Variants in SSBP3 observed in about 807,000 individuals in gnomAD.
The protein encoded by SSBP3 is single-stranded DNA-binding protein 3.
SSBP3 carries 5 observed loss-of-function variants against 69.6 expected under a neutral mutation model. That is an observed-to-expected ratio of 0.07 (90% confidence interval 0.04 to 0.15). The LOEUF (loss-of-function observed/expected upper bound fraction) is 0.15. Among genes scored for constraint, SSBP3 ranks in the 10% least tolerant of loss-of-function variants. The pLI is 1.00. For missense variants in SSBP3, 312 were observed against 534.0 expected, an observed-to-expected ratio of 0.58 and a Z score of 4.10; for synonymous variants, 196 against 193.4, an observed-to-expected ratio of 1.01 and a Z score of -0.11.
intron 3 of SSBP3, among the ~76,000 whole-genome samples, chr1:54,403,857 A>G (rs1649483445): frequency 1.3e-5 from 2 of 152,174 alleles, no homozygotes; most frequent in Admixed American, 1.3e-4. Context: ...TGGCTGTCAT[A>G]TACCCAACAC....
intron 4 of SSBP3, among the ~76,000 whole-genome samples, chr1:54,399,098 T>C (rs1420443882): frequency 6.6e-6 from 1 of 152,256 alleles, no homozygotes; most frequent in African/African-American, 2.4e-5. Flanking sequence ...TACTCATTCT[T>C]ACCTAACTCC....
Position 54,357,926 on chromosome 1 carries a change from G to A in SSBP3, c.276+43935C>T, listed in dbSNP as rs563134088. The stretch of plus-strand genomic sequence containing the variant: ...TGGACTCTCCAAAGTAAAGGAAGAT[G>A]GACAAACAGCACTTCCACACCTACA... On this transcript the variant is annotated intron_variant, in intron 4 of 17. Coordinates refer to ENST00000610401, the Ensembl canonical transcript of SSBP3. Among the ~76,000 whole-genome samples, 4 of 152,280 alleles carry A rather than the reference G, an allele frequency of 2.6e-5. No individual in the cohort carries two copies. In the South Asian group the frequency reaches 6.2e-4, roughly 24 times the overall value.
At chr1:54,252,847 T>C (rs1158315659) in intron 7 of SSBP3, among the ~76,000 whole-genome samples, 1 of 152,244 alleles carries the variant, frequency 6.6e-6, no homozygotes, top group Non-Finnish European at 1.5e-5. Context: ...AAAAGCCTTT[T>C]GGCTGGTCAT....
At chr1:54,304,179 GC>G (rs1167038250) in intron 4 of SSBP3, among the ~76,000 whole-genome samples, 1 of 152,206 alleles carries the variant, frequency 6.6e-6, no homozygotes, top group Admixed American at 6.5e-5. Flanking sequence ...CTTGGGTCGG[GC>G]ATGTTGGAAC....
intron 14 of SSBP3, among the ~76,000 whole-genome samples, chr1:54,230,531 T>C (rs780423050): frequency 8.5e-5 from 13 of 152,184 alleles, no homozygotes; most frequent in Non-Finnish European, 1.9e-4. Context: ...TGAGATATAA[T>C]TCACAGAGCA....
At chr1:54,331,880 T>A (rs1646416850) in intron 4 of SSBP3, among the ~76,000 whole-genome samples, 1 of 152,232 alleles carries the variant, frequency 6.6e-6, no homozygotes, top group South Asian at 2.1e-4. Flanking sequence ...CTGAGCCTCC[T>A]AACACAGGGT....
chr1:54,290,321 A>G (rs1236597087), intron 4 of SSBP3, among the ~76,000 whole-genome samples: 1 of 152,162 alleles, frequency 6.6e-6, no homozygotes, highest in East Asian at 1.9e-4. Context: ...ACCCTTAGGT[A>G]AGGTGCCCAG....
intron 4 of SSBP3, among the ~76,000 whole-genome samples, chr1:54,302,780 G>A (rs957644231): frequency 2.2e-4 from 34 of 152,178 alleles, no homozygotes; most frequent in Non-Finnish European, 3.7e-4. Context: ...CTGCATGGGG[G>A]CTCAGAAACC....
chr1:54,327,015 A>G (rs1317250170), intron 4 of SSBP3, among the ~76,000 whole-genome samples: 1 of 151,916 alleles, frequency 6.6e-6, no homozygotes, highest in East Asian at 1.9e-4. Context: ...GATTTCAAGG[A>G]CAGGCAACGC....
At chr1:54,225,661 ACAAAGACCAGCTACAGGG>A (rs1185123605) in exon 18 of SSBP3, 1 of 272,022 alleles carries the variant, frequency 3.7e-6, no homozygotes, top group Admixed American at 5.4e-5. Flanking sequence ...AGGGAGTAAA[ACAAAGACCAGCTACAGGG>A]GAGGGAGGAA....
chr1:54,253,174 G>GTTTTTGT (rs1553125836), intron 7 of SSBP3, among the ~76,000 whole-genome samples: 1 of 135,114 alleles, frequency 7.4e-6, no homozygotes, highest in African/African-American at 2.8e-5. Flanking sequence ...ATTTGTTTTT[G>GTTTTTGT]TTTTTTTTTT....
At chr1:54,396,823 C>T (rs1169588162) in intron 4 of SSBP3, among the ~76,000 whole-genome samples, 4 of 152,218 alleles carry the variant, frequency 2.6e-5, no homozygotes, top group African/African-American at 7.2e-5. Context: ...CCCCACCTCC[C>T]GCCTTGAAAT....
rs528866402 is a variant in SSBP3, at chr1:54,301,489, T to C, written c.277-19962A>G. On this transcript the variant is annotated intron_variant, in intron 4 of 17. Coordinates refer to ENST00000610401, the Ensembl canonical transcript of SSBP3. ...ATGCCCAGCCACATCCCTGTTTCCA[T>C]AGAGGCCCAGAAGAATGCAAACTCC... is the stretch of plus-strand genomic sequence containing the variant. Among the ~76,000 whole-genome samples, 20 of 152,230 alleles carry C rather than the reference T, an allele frequency of 1.3e-4. No individual in the cohort carries two copies. The East Asian group carries it at 3.3e-3, about 25-fold the overall frequency.
At chr1:54,262,580 C>T (rs1002973286) in intron 5 of SSBP3, among the ~76,000 whole-genome samples, 31 of 152,196 alleles carry the variant, frequency 2.0e-4, no homozygotes, top group Middle Eastern at 3.2e-3. Context: ...AGGACAAAAA[C>T]GATTACACAG....
upstream of SSBP3, among the ~76,000 whole-genome samples, chr1:54,409,017 C>G (rs80142270): frequency 0.028 from 4,247 of 152,238 alleles, 94 homozygotes; most frequent in East Asian, 0.043. Flanking sequence ...GAAGCAGGAC[C>G]ACTCAGCAGC....
At chr1:54,286,857 C>A (rs556487387) in intron 4 of SSBP3, 2 of 152,202 alleles carry the variant, frequency 1.3e-5, no homozygotes, top group Admixed American at 6.5e-5. Context: ...CACCCTGTGC[C>A]GGGCATAGGG....
At chr1:54,396,193 GAAAAAAAAAAAAAAAA>G (rs59276509) in intron 4 of SSBP3, among the ~76,000 whole-genome samples, 2 of 40,564 alleles carry the variant, frequency 4.9e-5, no homozygotes, top group South Asian at 1.5e-3. Flanking sequence ...CTCCATCTCA[GAAAAAAAAAAAAAAAA>G]AAAAAAAAAA....
intron 13 of SSBP3, among the ~76,000 whole-genome samples, chr1:54,239,587 A>G (rs1311391150): frequency 6.6e-6 from 1 of 152,234 alleles, no homozygotes; most frequent in East Asian, 1.9e-4. Flanking sequence ...AAATCAGGGA[A>G]AGGGAAACGT....
intron 4 of SSBP3, among the ~76,000 whole-genome samples, chr1:54,397,722 G>A (rs889944842): frequency 6.6e-6 from 1 of 152,208 alleles, no homozygotes; most frequent in Non-Finnish European, 1.5e-5. Flanking sequence ...TCTTCACTGG[G>A]AATCAGAGAG....
Sources: allele counts gnomAD v4.1 joint callset (sites outside exome capture counted in the v4.1 genomes callset), GRCh38; gene constraint gnomAD v4.1.1; transcripts MANE v1.5; gene names NCBI Gene and HGNC (gene_info 2026-07-23, HGNC 2026-07-21).